ZIC2: variants seen among roughly 807,000 people sequenced by gnomAD.
ZIC2 encodes the protein Zic family zinc finger 2.
A neutral mutation model predicts 29.5 loss-of-function variants in ZIC2; 7 were observed. The observed-to-expected ratio is 0.24, with a 90% confidence interval of 0.14 to 0.45. The LOEUF is 0.45. Among genes scored for constraint, ZIC2 ranks in the 20% least tolerant of loss-of-function variants. The pLI is 1.00. For missense variants in ZIC2, 589 were observed against 781.2 expected, an observed-to-expected ratio of 0.75 and a Z score of 2.93; for synonymous variants, 408 against 354.2, an observed-to-expected ratio of 1.15 and a Z score of -1.70.
chr13:99,985,337 C>G lies in ZIC2; in HGVS notation c.1254C>G (p.Ser418=). ...TTGTCTTGCAGGTCCATGAGTCCTCCCCGCAGGGCTCTGAATCCTCCCCGG... is the reference window on the plus strand; with the variant it reads ...TTGTCTTGCAGGTCCATGAGTCCTCGCCGCAGGGCTCTGAATCCTCCCCGG... ...LRKHMKVHES[S]PQGSESSPAA... The change falls in exon 3 of 3, where the codon TCC becomes TCG. Residue 418 remains serine, a synonymous_variant. Transcript: ENST00000376335. This position sits in a 1 kb window ranked among gnomAD's most constrained non-coding sequence, Gnocchi z 6.3. The G allele has an allele frequency of 1.9e-6, 3 of 1,598,232 alleles. No individual in the cohort carries two copies. The highest frequency in any genetic ancestry group is 2.5e-6 in the Non-Finnish European group (3 of 1,179,424).
rs1189591453 is a variant in ZIC2, at chr13:99,985,423, C to A, written c.1340C>A (p.Pro447His). 3.1e-6 allele frequency: 5 copies of A among 1,593,902 alleles called. No homozygotes were observed. The highest frequency in any genetic ancestry group is 4.2e-6 in the Non-Finnish European group (5 of 1,177,288). ...GGGCTGGTGTCCCCCAGCGCCGAGC[C>A]CCAGAGCAGCTCCAACCTGTCCCCA... ...PPGLVSPSAE[P>H]QSSSNLSPAA... is the part of the protein sequence containing the mutation. The change falls in exon 3 of 3, where the codon CCC becomes CAC. Residue 447 changes from proline to histidine, a missense_variant. By Grantham distance (77) the Pro-to-His change is moderately conservative. Around this residue, in one of 7 missense-constraint regions of ZIC2, gnomAD observed 135 missense variants for 136.7 expected, o/e 0.99. Transcript: ENST00000376335. This position sits in a 1 kb window ranked among gnomAD's most constrained non-coding sequence, Gnocchi z 6.3.
rs1279788827 is a variant in ZIC2 at position 99,985,836 on chromosome 13, G to T, written c.*154G>T. 1.3e-3 allele frequency: 234 copies of T among 185,820 alleles called. No individual in the cohort carries two copies. Among genetic ancestry groups the T allele is most frequent in the Non-Finnish European group, 2.0e-3 (206 of 100,532 alleles). The allele number at this position is 185,820 out of a possible 1,614,324, so 11.5% of individuals were successfully genotyped here. A position where few individuals can be genotyped will look rare whatever the true frequency, so the allele number is the denominator to read the frequency against. On this transcript the variant is annotated 3_prime_UTR_variant, in exon 3 of 3. Transcript: ENST00000376335. This position sits in a 1 kb window ranked among gnomAD's most constrained non-coding sequence, Gnocchi z 6.3. ...TTTACCAGCAGAAGGATTTTTTAAA[G>T]TTTTTTTTTTTTTTTTAATAATAAT... is the stretch of plus-strand genomic sequence containing the variant.
chr13:99,982,257 G>C lies in ZIC2; in HGVS notation c.193G>C (p.Gly65Arg). ...CATGGGAGCCTTCAAGCTCAACCCG[G>C]GCGCGCACGAGCTGTCCCCGGGCCA... is the stretch of plus-strand genomic sequence containing the variant. ...AHMGAFKLNP[G>R]AHELSPGQSS... is the part of the protein sequence containing the mutation. Residue 65 changes from glycine (G) to arginine (R), a missense_variant, in exon 1 of 3, where the codon GGC becomes CGC. Transcript: ENST00000376335. The C allele has an allele frequency of 1.3e-6, 2 of 1,509,112 alleles. No homozygotes were observed. Among genetic ancestry groups the C allele is most frequent in the Non-Finnish European group, 1.8e-6 (2 of 1,134,898 alleles). The allele number at this position is 1,509,112 out of a possible 1,614,324, so 93.5% of individuals were successfully genotyped here. A position where few individuals can be genotyped will look rare whatever the true frequency, so the allele number is the denominator to read the frequency against.
Position 99,985,634 on chromosome 13 carries a change from C to G in ZIC2, c.1551C>G (p.Ala517=), listed in dbSNP as rs573229059. ...GCTCTGGCGGGGGCAGCGGGACAGC[C>G]GGGGGTCACAGCGGCCTCTCCTCCA... is the stretch of plus-strand genomic sequence containing the variant. ...GGSSGGGSGT[A]GGHSGLSSNF... Residue 517 remains alanine, a synonymous_variant, in exon 3 of 3, where the codon GCC becomes GCG. Coordinates refer to ENST00000376335, the MANE Select transcript of ZIC2 (RefSeq NM_007129.5). This position sits in a 1 kb window ranked among gnomAD's most constrained non-coding sequence, Gnocchi z 6.3. 7.8e-6 allele frequency: 10 copies of G among 1,276,244 alleles called. No individual in the cohort carries two copies. In the South Asian group the frequency reaches 1.9e-4, roughly 24 times the overall value. The allele number at this position is 1,276,244 out of a possible 1,614,324, so 79.1% of individuals were successfully genotyped here.
In ZIC2 at chr13:99,985,930, T is replaced by TA. The variant is rs1337953411; in HGVS notation, c.*255dup. 2.5e-5 allele frequency: 9 copies of TA among 358,200 alleles called. No homozygotes were observed. The highest frequency in any genetic ancestry group is 2.4e-4 in the Admixed American group (6 of 24,844). 22.2% of individuals were successfully genotyped at this position (358,200 alleles called of 1,614,324 possible). ...CTGAAAATATAAAACAAATAAAAAATAAAAAAATAAAAACCCACAAAAATG... is the reference window on the plus strand; with the variant it reads ...CTGAAAATATAAAACAAATAAAAAATAAAAAAAATAAAAACCCACAAAAATG... On this transcript the variant is annotated 3_prime_UTR_variant, in exon 3 of 3. Coordinates refer to ENST00000376335, the MANE Select transcript of ZIC2 (RefSeq NM_007129.5). This position sits in a 1 kb window ranked among gnomAD's most constrained non-coding sequence, Gnocchi z 6.3.
At position 99,985,484 on chromosome 13, in the gene ZIC2, G is replaced by GGCGGCC. The variant is rs890622628; in HGVS notation, c.1406_1411dup (p.Ala469_Ala470dup). 8 of 1,259,904 alleles carry GGCGGCC rather than the reference G, an allele frequency of 6.3e-6. No individual in the cohort carries two copies. The highest frequency in any genetic ancestry group is 7.9e-6 in the Non-Finnish European group (8 of 1,010,944). 78.0% of individuals were successfully genotyped at this position (1,259,904 alleles called of 1,614,324 possible). A position where few individuals can be genotyped will look rare whatever the true frequency, so the allele number is the denominator to read the frequency against. On this transcript the variant is annotated inframe_insertion, in exon 3 of 3. Coordinates refer to ENST00000376335, the MANE Select transcript of ZIC2 (RefSeq NM_007129.5). The surrounding 1 kb of genome is among the most constrained non-coding windows in gnomAD (Gnocchi z 6.3). ...CAGCGGCGGCGGCGGCTGCGGCGGC[G>GGCGGCC]GCGGCCGCGGTGTCCGCGGTGCACC...
rs912113781 is a variant in ZIC2 at position 99,982,361 on chromosome 13, G to T, written c.297G>T (p.Gly99=). Residue 99 remains glycine, a synonymous_variant, in exon 1 of 3, where the codon GGG becomes GGT. Coordinates refer to ENST00000376335, the MANE Select transcript of ZIC2 (RefSeq NM_007129.5). ...AAAAAAAAAL[G]PHAAHVGSYS... is the part of the protein sequence containing the mutation. ...CTGCCGCTGCGGCCGCAGCGCTCGG[G>T]CCCCACGCCGCGCACGTTGGCTCCT... 7.5e-6 allele frequency: 11 copies of T among 1,476,454 alleles called. No homozygotes were observed. The highest frequency in any genetic ancestry group is 7.4e-5 in the African/African-American group (5 of 67,308). 91.5% of individuals were successfully genotyped at this position (1,476,454 alleles called of 1,614,324 possible).
In ZIC2 at chr13:99,982,753, CCCACCACCACCACCACCACCA is replaced by C; in HGVS notation, c.698_718del (p.His233_His239del). The C allele has an allele frequency of 1.9e-6, 3 of 1,596,578 alleles. No homozygotes were observed. The highest frequency in any genetic ancestry group is 2.2e-5 in the East Asian group (1 of 44,580). ...GGTATGAACATGGCAGCAGCCGCGG[CCCACCACCACCACCACCACCA>C]CCACCACCCCGGTGCCTTTTTCCGC... On this transcript the variant is annotated inframe_deletion, in exon 1 of 3. Coordinates refer to ENST00000376335, the MANE Select transcript of ZIC2 (RefSeq NM_007129.5).
rs1456001894 is a variant in ZIC2, at chr13:99,982,442, CG to C, written c.382del (p.Asp128ThrfsTer90). 6.9e-7 allele frequency: 1 copy of C among 1,439,990 alleles called. No individual in the cohort carries two copies. Among genetic ancestry groups the C allele is most frequent in the Non-Finnish European group, 9.1e-7 (1 of 1,103,312 alleles). The allele number at this position is 1,439,990 out of a possible 1,614,324, so 89.2% of individuals were successfully genotyped here. On this transcript the variant is annotated frameshift_variant, in exon 1 of 3. Transcript: ENST00000376335. LOFTEE classifies it high-confidence loss of function. ...RDFLFRSRGF[G>X]DSAPGGGQHG... Reference sequence around the variant, plus strand: ...ACTTCCTGTTCCGCAGCCGCGGCTTCGGGGACTCGGCGCCGGGCGGCGGGCA... The same window carrying C: ...ACTTCCTGTTCCGCAGCCGCGGCTTCGGGACTCGGCGCCGGGCGGCGGGCA...
rs2053261073 is a variant in ZIC2, at chr13:99,985,467, G to A, written c.1384G>A (p.Ala462Thr). The change falls in exon 3 of 3, where the codon GCG (alanine) becomes ACG (threonine). Residue 462 changes from alanine to threonine, a missense_variant. Physicochemically the swap from Ala to Thr is moderately conservative, Grantham distance 58. Coordinates refer to ENST00000376335, the MANE Select transcript of ZIC2 (RefSeq NM_007129.5). This position sits in a 1 kb window ranked among gnomAD's most constrained non-coding sequence, Gnocchi z 6.3. ...GTCCCCAGCGGCGGCGGCAGCGGCG[G>A]CGGCGGCTGCGGCGGCGGCGGCCGC... ...NLSPAAAAAA[A>T]AAAAAAAAVS... 7.7e-7 allele frequency: 1 copy of A among 1,306,254 alleles called. No individual in the cohort carries two copies. The highest frequency in any genetic ancestry group is 3.2e-5 in the East Asian group (1 of 31,378). The allele number at this position is 1,306,254 out of a possible 1,614,324, so 80.9% of individuals were successfully genotyped here.
At position 99,985,116 on chromosome 13, in the gene ZIC2, C is replaced by A. The variant is rs773008224; in HGVS notation, c.1239+7C>A. Reference sequence around the variant, plus strand: ...GCTGCGGAAGCACATGAAGGTACCACCGCGGCGGCCGGGAGGAGGGCGAGG... The same window carrying A: ...GCTGCGGAAGCACATGAAGGTACCAACGCGGCGGCCGGGAGGAGGGCGAGG... On this transcript the variant is annotated splice_region_variant and intron_variant, in intron 2 of 2. Transcript: ENST00000376335. The surrounding 1 kb of genome is among the most constrained non-coding windows in gnomAD (Gnocchi z 6.3). 1 of 1,614,052 alleles carries A rather than the reference C, an allele frequency of 6.2e-7. No homozygotes were observed.
Position 99,985,571 on chromosome 13 carries a change from C to CGGG in ZIC2, c.1491_1493dup (p.Gly501dup), listed in dbSNP as rs1431327380. ...GCTCAGGCGGCGGCAGCGGCAGTGG[C>CGGG]GGGGGCGGCGGCGGGGCGGGCGGCG... On this transcript the variant is annotated inframe_insertion, in exon 3 of 3. Transcript: ENST00000376335. This position sits in a 1 kb window ranked among gnomAD's most constrained non-coding sequence, Gnocchi z 6.3. 2 of 605,502 alleles carry CGGG rather than the reference C, an allele frequency of 3.3e-6. No homozygotes were observed. Among genetic ancestry groups the CGGG allele is most frequent in the African/African-American group, 2.1e-5 (1 of 47,884 alleles). The allele number at this position is 605,502 out of a possible 1,614,324, so 37.5% of individuals were successfully genotyped here. A position where few individuals can be genotyped will look rare whatever the true frequency, so the allele number is the denominator to read the frequency against.
At position 99,982,206 on chromosome 13, in the gene ZIC2, G is replaced by A. The variant is rs1175546106; in HGVS notation, c.142G>A (p.Gly48Ser). ...ACTGAGCCTGGCGGCGGCGCAGAAC[G>A]GCTTCGTTGACTCCGCCGCCGCGCA... ...RELSLAAAQN[G>S]FVDSAAAHMG... The change falls in exon 1 of 3, where the codon GGC becomes AGC. Residue 48 changes from glycine to serine, a missense_variant. By Grantham distance (56) the Gly-to-Ser change is moderately conservative (BLOSUM62 0). Around this residue, in one of 7 missense-constraint regions of ZIC2, gnomAD observed 358 missense variants for 382.0 expected, o/e 0.94. Coordinates refer to ENST00000376335, the MANE Select transcript of ZIC2 (RefSeq NM_007129.5). 2.7e-6 allele frequency: 4 copies of A among 1,502,354 alleles called. No individual in the cohort carries two copies. Among genetic ancestry groups the A allele is most frequent in the East Asian group, 2.8e-5 (1 of 35,978 alleles). 93.1% of individuals were successfully genotyped at this position (1,502,354 alleles called of 1,614,324 possible). A position where few individuals can be genotyped will look rare whatever the true frequency, so the allele number is the denominator to read the frequency against.
chr13:99,982,152 GC>G lies in ZIC2; in HGVS notation c.89del (p.Ala30GlyfsTer11). On this transcript the variant is annotated frameshift_variant, in exon 1 of 3. Transcript: ENST00000376335. LOFTEE classifies it high-confidence loss of function. The part of the protein sequence containing the change: ...HHHHSAAAAA[A>X]AAAEMQDREL... ...TCACCACTCCGCCGCGGCGGCGGCG[GC>G]GGCTGCCGCCGAGATGCAGGACCGT... The G allele has an allele frequency of 1.5e-6, 2 of 1,345,814 alleles. No individual in the cohort carries two copies. The highest frequency in any genetic ancestry group is 9.5e-7 in the Non-Finnish European group (1 of 1,054,024). The allele number at this position is 1,345,814 out of a possible 1,614,324, so 83.4% of individuals were successfully genotyped here.
chr13:99,985,763 T>G lies in ZIC2; in HGVS notation c.*81T>G. On this transcript the variant is annotated 3_prime_UTR_variant, in exon 3 of 3. Transcript: ENST00000376335. This position sits in a 1 kb window ranked among gnomAD's most constrained non-coding sequence, Gnocchi z 6.3. ...CGCAGCTAGCAGCGAGGGCACCTTG[T>G]GATCATGTTGTTAAAATTATGAATC... 1.3e-6 allele frequency: 1 copy of G among 764,572 alleles called. No homozygotes were observed. The highest frequency in any genetic ancestry group is 3.1e-4 in the Middle Eastern group (1 of 3,244). 47.4% of individuals were successfully genotyped at this position (764,572 alleles called of 1,614,324 possible). A position where few individuals can be genotyped will look rare whatever the true frequency, so the allele number is the denominator to read the frequency against.
rs1304461541 is a variant in ZIC2 at position 99,982,176 on chromosome 13, C to A, written c.112C>A (p.Arg38Ser). Residue 38 changes from arginine (R) to serine (S), a missense_variant, in exon 1 of 3, where the codon CGT becomes AGT. Arg to Ser is a moderately radical substitution (Grantham distance 110, BLOSUM62 -1). Coordinates refer to ENST00000376335, the MANE Select transcript of ZIC2 (RefSeq NM_007129.5). ...GGCGGCTGCCGCCGAGATGCAGGAC[C>A]GTGAACTGAGCCTGGCGGCGGCGCA... ...AAAAAAEMQD[R>S]ELSLAAAQNG... The A allele has an allele frequency of 2.0e-6, 3 of 1,473,484 alleles. No homozygotes were observed. Among genetic ancestry groups the A allele is most frequent in the Non-Finnish European group, 2.7e-6 (3 of 1,118,734 alleles). The allele number at this position is 1,473,484 out of a possible 1,614,324, so 91.3% of individuals were successfully genotyped here.
Position 99,986,190 on chromosome 13 carries a change from C to T in ZIC2, c.*508C>T. The T allele has an allele frequency of 6.4e-6, 2 of 314,700 alleles. No individual in the cohort carries two copies. Among genetic ancestry groups the T allele is most frequent in the Non-Finnish European group, 1.2e-5 (2 of 160,402 alleles). 19.5% of individuals were successfully genotyped at this position (314,700 alleles called of 1,614,324 possible). On this transcript the variant is annotated 3_prime_UTR_variant, in exon 3 of 3. Transcript: ENST00000376335. The stretch of plus-strand genomic sequence containing the variant: ...CTTTCTCTTTTCTCTTTTTAGTTTA[C>T]CCGGTTTCTTTTTAAGTAATGTGGA...
Position 99,985,518 on chromosome 13 carries a change from G to A in ZIC2, c.1435G>A (p.Gly479Ser), listed in dbSNP as rs893533207. Reference protein sequence around the residue: ...AAVSAVHRGGGSGSGGAGGGS... With the variant: ...AAVSAVHRGGSSGSGGAGGGS... ...GGTGTCCGCGGTGCACCGGGGCGGAGGCTCGGGCAGTGGCGGCGCGGGAGG... is the reference window on the plus strand; with the variant it reads ...GGTGTCCGCGGTGCACCGGGGCGGAAGCTCGGGCAGTGGCGGCGCGGGAGG... The change falls in exon 3 of 3, where the codon GGC becomes AGC. Residue 479 changes from glycine (G) to serine (S), a missense_variant. Physicochemically the swap from Gly to Ser is moderately conservative, Grantham distance 56. Coordinates refer to ENST00000376335, the MANE Select transcript of ZIC2 (RefSeq NM_007129.5). This position sits in a 1 kb window ranked among gnomAD's most constrained non-coding sequence, Gnocchi z 6.3. 4 of 1,056,652 alleles carry A rather than the reference G, an allele frequency of 3.8e-6. No homozygotes were observed. The African/African-American group carries it at 6.9e-5, about 18-fold the overall frequency. 65.5% of individuals were successfully genotyped at this position (1,056,652 alleles called of 1,614,324 possible).
chr13:99,983,466 A>C lies in ZIC2; in HGVS notation c.1075+327A>C, dbSNP rs1257855696. Among the ~76,000 whole-genome samples the C allele has an allele frequency of 6.6e-6, 1 of 152,172 alleles. No individual in the cohort carries two copies. The highest frequency in any genetic ancestry group is 1.5e-5 in the Non-Finnish European group (1 of 68,030). ...AAGCACAAAATAAAACTGCTCGCTA[A>C]TTCGGTGCCCGGGAAGCGAGCCTAG... On this transcript the variant is annotated intron_variant, in intron 1 of 2. Coordinates refer to ENST00000376335, the MANE Select transcript of ZIC2 (RefSeq NM_007129.5). This position sits in a 1 kb window ranked among gnomAD's most constrained non-coding sequence, Gnocchi z 4.7.
Sources: gnomAD v4.1 joint callset for allele counts (sites outside exome capture counted in the v4.1 genomes callset) on GRCh38, gnomAD v4.1.1 for gene constraint, gnomAD v4.1.1 regional missense constraint, Gnocchi (gnomAD v3.1) non-coding constraint, MANE v1.5 for transcripts, NCBI Gene and HGNC (gene_info 2026-07-23, HGNC 2026-07-21) for gene names.